Variants in RAPGEF5 observed in about 807,000 individuals in gnomAD.
RAPGEF5 encodes the protein Rap guanine nucleotide exchange factor 5.
Under a neutral mutation model 125.2 loss-of-function variants are expected in RAPGEF5, and 65 were observed. The ratio of observed to expected loss-of-function variants is 0.52; its 90% confidence interval spans 0.43 to 0.64. The LOEUF (loss-of-function observed/expected upper bound fraction) is 0.64, where lower values mean the gene tolerates loss of function less well. RAPGEF5 is among the 30% of genes least tolerant of loss of function. The probability of loss-of-function intolerance (pLI) is 0.00; values close to 1 mark genes in which losing one functional copy is unlikely to be tolerated. For synonymous variants in RAPGEF5, 391 were observed against 385.9 expected (o/e 1.01, Z -0.16); for missense variants, 958 against 1,048.1 (o/e 0.91, Z 1.19).
At chr7:22,249,747 G>A (rs1786571293) in intron 7 of RAPGEF5, among the ~76,000 whole-genome samples, 3 of 152,102 alleles carry the variant, frequency 2.0e-5, no homozygotes, top group Non-Finnish European at 2.9e-5. Context: ...ACCAAACACC[G>A]TTTATAAAAC....
At chr7:22,348,288 T>C (rs1784263340) in intron 1 of RAPGEF5, among the ~76,000 whole-genome samples, 1 of 152,230 alleles carries the variant, frequency 6.6e-6, no homozygotes, top group African/African-American at 2.4e-5. Context: ...CATTAAAAGG[T>C]AAACATACCA....
intron 20 of RAPGEF5, among the ~76,000 whole-genome samples, chr7:22,143,170 G>A (rs1053551966): frequency 1.3e-5 from 2 of 152,092 alleles, no homozygotes; most frequent in African/African-American, 4.8e-5. Context: ...AATTTTACAA[G>A]CCATTTTGGA....
At position 22,357,114 on chromosome 7, in the gene RAPGEF5, G is replaced by A; in HGVS notation, c.-54C>T. On this transcript the variant is annotated 5_prime_UTR_variant, in exon 1 of 26. Transcript: ENST00000665637. ...TCCTCTCCACCGCGCTCGCCTCCGC[G>A]CGCCGTCCGCGCCTTCGCCAGGAAG... The A allele has an allele frequency of 1.1e-6, 1 of 922,928 alleles. No individual in the cohort carries two copies. The highest frequency in any genetic ancestry group is 1.3e-6 in the Non-Finnish European group (1 of 766,922). 57.2% of individuals were successfully genotyped at this position (922,928 alleles called of 1,614,324 possible).
intron 1 of RAPGEF5, among the ~76,000 whole-genome samples, chr7:22,321,942 C>T (rs1390645589): frequency 1.3e-5 from 2 of 152,124 alleles, no homozygotes; most frequent in East Asian, 1.9e-4. Flanking sequence ...AAAGCTTGGT[C>T]AAGATTACAA....
chr7:22,353,430 C>T (rs1784364705), intron 1 of RAPGEF5, among the ~76,000 whole-genome samples: 1 of 152,062 alleles, frequency 6.6e-6, no homozygotes, highest in African/African-American at 2.4e-5. Flanking sequence ...TTTTTAATGT[C>T]CTTATCAGGA....
chr7:22,205,811 T>A (rs142820221), intron 9 of RAPGEF5, among the ~76,000 whole-genome samples: 1 of 152,352 alleles, frequency 6.6e-6, no homozygotes, highest in East Asian at 1.9e-4. Context: ...TGACTTGACT[T>A]GAAATATCAT....
At chr7:22,215,100 T>C (rs910429705) in intron 9 of RAPGEF5, among the ~76,000 whole-genome samples, 10 of 152,134 alleles carry the variant, frequency 6.6e-5, no homozygotes, top group African/African-American at 2.2e-4. Context: ...TTCCTCATTA[T>C]TTCTAGAATG....
intron 18 of RAPGEF5, 30 bp from the exon 19 acceptor site, chr7:22,147,049 G>A: frequency 6.2e-7 from 1 of 1,607,498 alleles, no homozygotes; most frequent in Non-Finnish European, 8.5e-7. Flanking sequence ...AAGATCCTCA[G>A]TAATTCCCAA....
chr7:22,153,868 T>A (rs1445420663), intron 17 of RAPGEF5, among the ~76,000 whole-genome samples: 2 of 152,212 alleles, frequency 1.3e-5, no homozygotes, highest in African/African-American at 4.8e-5. Flanking sequence ...GCCGCATAGA[T>A]CAATAGTGTC....
chr7:22,212,673 A>G (rs945276283), intron 9 of RAPGEF5, among the ~76,000 whole-genome samples: 1 of 152,250 alleles, frequency 6.6e-6, no homozygotes, highest in Non-Finnish European at 1.5e-5. Flanking sequence ...GTCTTAAAAC[A>G]TTCATTATAA....
At chr7:22,339,680 T>G (rs766078112) in intron 1 of RAPGEF5, among the ~76,000 whole-genome samples, 22 of 152,254 alleles carry the variant, frequency 1.4e-4, no homozygotes, top group Non-Finnish European at 2.9e-4. Context: ...CACTTTCCTT[T>G]GTCTTGTGTT....
At chr7:22,209,137 C>A (rs910600213) in intron 9 of RAPGEF5, among the ~76,000 whole-genome samples, 1 of 152,136 alleles carries the variant, frequency 6.6e-6, no homozygotes, top group African/African-American at 2.4e-5. Context: ...AGGTGATTGC[C>A]AAATTATAAT....
At chr7:22,220,427 C>G (rs1477957741) in intron 8 of RAPGEF5, among the ~76,000 whole-genome samples, 3 of 152,134 alleles carry the variant, frequency 2.0e-5, no homozygotes, top group Non-Finnish European at 4.4e-5. Flanking sequence ...CACCCCAATT[C>G]TTTAGCTCCA....
At chr7:22,200,467 T>C (rs1785251573) in intron 9 of RAPGEF5, among the ~76,000 whole-genome samples, 1 of 152,218 alleles carries the variant, frequency 6.6e-6, no homozygotes, top group African/African-American at 2.4e-5. Flanking sequence ...CACGATACTC[T>C]GGCAGAAGGA....
At chr7:22,242,963 A>AG (rs1786377875) in intron 7 of RAPGEF5, among the ~76,000 whole-genome samples, 1 of 146,286 alleles carries the variant, frequency 6.8e-6, no homozygotes, top group African/African-American at 2.6e-5. Context: ...AAAAAAAAAA[A>AG]AAGAAAGAAA....
intron 1 of RAPGEF5, among the ~76,000 whole-genome samples, chr7:22,348,020 G>C (rs1021528504): frequency 1.3e-5 from 2 of 152,106 alleles, no homozygotes; most frequent in Non-Finnish European, 2.9e-5. Flanking sequence ...AGTTTTTAGA[G>C]GAAAAGGAGA....
rs773958127 is a variant in RAPGEF5, at chr7:22,145,208, G to A, written c.2022C>T (p.Tyr674=). Residue 674 remains tyrosine (Y), a synonymous_variant, in exon 20 of 26, where the codon TAC becomes TAT. Coordinates refer to ENST00000665637, the MANE Select transcript of RAPGEF5 (RefSeq NM_012294.5). ...FNSIHEQELI[Y]FTFSRQGSGE... ...CACTTCCCTGTCTGCTGAACGTGAA[G>A]TAGATCAGCTCTTGCTGAAAGAAAA... 6.2e-7 allele frequency: 1 copy of A among 1,612,120 alleles called. No homozygotes were observed. The highest frequency in any genetic ancestry group is 8.5e-7 in the Non-Finnish European group (1 of 1,179,008).
intron 7 of RAPGEF5, among the ~76,000 whole-genome samples, chr7:22,232,839 T>C (rs1010697117): frequency 1.3e-5 from 2 of 152,196 alleles, no homozygotes; most frequent in African/African-American, 4.8e-5. Flanking sequence ...CCTACTTATA[T>C]AATAAGCTAC....
At chr7:22,344,044 G>A (rs1461692711) in intron 1 of RAPGEF5, among the ~76,000 whole-genome samples, 1 of 152,148 alleles carries the variant, frequency 6.6e-6, no homozygotes, top group Admixed American at 6.5e-5. Context: ...TCACATTCAA[G>A]TAGTCCTAGC....
Sources: gnomAD v4.1 joint callset for allele counts (sites outside exome capture counted in the v4.1 genomes callset) on GRCh38, gnomAD v4.1.1 for gene constraint, MANE v1.5 for transcripts, NCBI Gene and HGNC (gene_info 2026-07-23, HGNC 2026-07-21) for gene names.